The following FTO variants were observed in gnomAD, a reference collection of about 807,000 sequenced individuals.
FTO encodes the protein FTO alpha-ketoglutarate dependent dioxygenase.
A neutral mutation model predicts 63.9 loss-of-function variants in FTO; 47 were observed. The observed-to-expected ratio is 0.74, with a 90% CI of 0.58 to 0.94. The LOEUF (loss-of-function observed/expected upper bound fraction) is 0.94, where lower values mean the gene tolerates loss of function less well. Ranked by LOEUF, FTO falls within the 40% of genes least tolerant of loss-of-function variation. FTO has a pLI of 0.00. For synonymous variants in FTO, 207 were observed against 224.4 expected (o/e 0.92, Z 0.69); for missense variants, 562 against 618.1 (o/e 0.91, Z 0.96).
At chr16:54,001,390 C>T (rs1394526456) in intron 8 of FTO, among the ~76,000 whole-genome samples, 2 of 152,084 alleles carry the variant, frequency 1.3e-5, no homozygotes, top group East Asian at 3.9e-4. Context: ...AGTATGATTC[C>T]GTACCATGAA....
intron 4 of FTO, among the ~76,000 whole-genome samples, chr16:53,851,627 T>A (rs1288571343): frequency 6.6e-6 from 1 of 152,188 alleles, no homozygotes; most frequent in East Asian, 1.9e-4. Context: ...TATGTTGACA[T>A]ATTTAAATAT....
intron 1 of FTO, among the ~76,000 whole-genome samples, chr16:53,789,323 G>A (rs2151681743): frequency 6.6e-6 from 1 of 152,310 alleles, no homozygotes; most frequent in East Asian, 1.9e-4. Flanking sequence ...AGTACTACTT[G>A]TCTTTTCAGA....
At chr16:53,833,731 G>A (rs7189171) in intron 3 of FTO, among the ~76,000 whole-genome samples, 9,493 of 152,098 alleles carry the variant, frequency 0.062, 748 homozygotes, top group East Asian at 0.33. Flanking sequence ...CCACATCTAC[G>A]CCAACACTTA....
At chr16:54,027,534 C>T (rs910548453) in intron 8 of FTO, among the ~76,000 whole-genome samples, 2 of 151,954 alleles carry the variant, frequency 1.3e-5, no homozygotes, top group African/African-American at 4.8e-5. Context: ...CTTCTACTTT[C>T]CCTCTTCCCT....
At chr16:53,742,630 T>C (rs1346151615) in intron 1 of FTO, among the ~76,000 whole-genome samples, 1 of 152,170 alleles carries the variant, frequency 6.6e-6, no homozygotes, top group Non-Finnish European at 1.5e-5. Context: ...AGGATCCCTA[T>C]GTGTTGATAC....
chr16:53,720,807 G>T (rs2076022978), intron 1 of FTO, among the ~76,000 whole-genome samples: 1 of 151,486 alleles, frequency 6.6e-6, no homozygotes, highest in South Asian at 2.1e-4. Context: ...CTTTGAGACA[G>T]AGTCCTGGGT....
At chr16:54,007,959 A>C (rs1426618380) in intron 8 of FTO, among the ~76,000 whole-genome samples, 34 of 152,206 alleles carry the variant, frequency 2.2e-4, no homozygotes, top group Admixed American at 1.9e-3. Context: ...TTATTGTCAC[A>C]CTGTGAAACA....
intron 7 of FTO, among the ~76,000 whole-genome samples, chr16:53,920,375 G>T (rs1402001616): frequency 6.6e-6 from 1 of 152,192 alleles, no homozygotes; most frequent in Non-Finnish European, 1.5e-5. Flanking sequence ...GTACAAGGGA[G>T]ACCTCCTGAA....
chr16:53,720,372 T>C (rs1598485688), intron 1 of FTO, among the ~76,000 whole-genome samples: 1 of 151,964 alleles, frequency 6.6e-6, no homozygotes, highest in Non-Finnish European at 1.5e-5. Context: ...ATAAATATGA[T>C]TTAAAATAGG....
chr16:53,778,081 A>C (rs183207392), intron 1 of FTO, among the ~76,000 whole-genome samples: 4 of 152,264 alleles, frequency 2.6e-5, no homozygotes, highest in Admixed American at 1.3e-4. Context: ...AGAATTAATA[A>C]TTTTTCCTGC....
chr16:53,974,656 C>A (rs113676024), intron 8 of FTO, among the ~76,000 whole-genome samples: 2 of 152,190 alleles, frequency 1.3e-5, no homozygotes, highest in South Asian at 2.1e-4. Context: ...CTTTGTCACA[C>A]GCACTCACTG....
At chr16:53,837,588 G>A (rs559213647) in intron 3 of FTO, among the ~76,000 whole-genome samples, 1 of 152,228 alleles carries the variant, frequency 6.6e-6, no homozygotes, top group East Asian at 1.9e-4. Flanking sequence ...CTGAGAAGGA[G>A]TATGTGCTGT....
At chr16:54,014,351 T>G (rs1159998896) in intron 8 of FTO, among the ~76,000 whole-genome samples, 2 of 152,034 alleles carry the variant, frequency 1.3e-5, no homozygotes, top group Non-Finnish European at 2.9e-5. Context: ...ACTCTATTAG[T>G]TTTTGTGAGA....
At chr16:53,852,746 A>G (rs1567361499) in intron 4 of FTO, among the ~76,000 whole-genome samples, 1 of 152,236 alleles carries the variant, frequency 6.6e-6, no homozygotes, top group Non-Finnish European at 1.5e-5. Context: ...AAAATTATGT[A>G]CATTTTAGCT....
chr16:53,783,421 C>CA (rs1382668195), intron 1 of FTO, among the ~76,000 whole-genome samples: 1 of 151,818 alleles, frequency 6.6e-6, no homozygotes, highest in Non-Finnish European at 1.5e-5. Context: ...TCCTGGCTAA[C>CA]ACGGTGAAAC....
chr16:53,895,445 A>G (rs913636769), intron 7 of FTO, among the ~76,000 whole-genome samples: 3 of 152,170 alleles, frequency 2.0e-5, no homozygotes, highest in African/African-American at 7.2e-5. Flanking sequence ...GGATAAGGAA[A>G]ATTTTAGAAA....
chr16:53,965,519 A>C (rs1001033098), intron 8 of FTO, among the ~76,000 whole-genome samples: 11 of 152,288 alleles, frequency 7.2e-5, no homozygotes, highest in Middle Eastern at 3.4e-3. Context: ...TCCCCACCCA[A>C]GGGCAACTGT....
At chr16:53,752,467 A>G (rs1272469581) in intron 1 of FTO, among the ~76,000 whole-genome samples, 2 of 152,268 alleles carry the variant, frequency 1.3e-5, no homozygotes, top group Non-Finnish European at 2.9e-5. Flanking sequence ...TCACGTAAGT[A>G]GGGTCAAAGG....
chr16:54,084,610 T>G (rs772917292), intron 8 of FTO, among the ~76,000 whole-genome samples: 2 of 151,602 alleles, frequency 1.3e-5, no homozygotes, highest in Non-Finnish European at 3.0e-5. Context: ...TTCAGTGAGT[T>G]GAGAGTGGCC....
Sources: allele counts gnomAD v4.1 joint callset (sites outside exome capture counted in the v4.1 genomes callset), GRCh38; gene constraint gnomAD v4.1.1; transcripts MANE v1.5; gene names NCBI Gene and HGNC (gene_info 2026-07-23, HGNC 2026-07-21).